The following FAM240B variants were observed in gnomAD, a reference collection of about 807,000 sequenced individuals.
FAM240B encodes protein FAM240B.
intron 1 of FAM240B, among the ~76,000 whole-genome samples, chr9:38,718,099 T>C (rs1350502871): frequency 6.6e-6 from 1 of 152,210 alleles, no homozygotes; most frequent in East Asian, 1.9e-4. Flanking sequence ...ACTAAGAAAA[T>C]ATTTGCTTGT....
chr9:38,703,138 G>A (rs1821149428), intron 2 of FAM240B, among the ~76,000 whole-genome samples: 1 of 152,170 alleles, frequency 6.6e-6, no homozygotes, highest in African/African-American at 2.4e-5. Flanking sequence ...TAGCGCTGAG[G>A]TGGAAAAACC....
intron 2 of FAM240B, among the ~76,000 whole-genome samples, chr9:38,703,443 C>T (rs1324900976): frequency 6.6e-6 from 1 of 152,202 alleles, no homozygotes; most frequent in Non-Finnish European, 1.5e-5. Flanking sequence ...TCCTATAGCC[C>T]AAATCCTGAC....
intron 1 of FAM240B, among the ~76,000 whole-genome samples, chr9:38,712,491 A>C (rs1330837565): frequency 6.6e-6 from 1 of 152,214 alleles, no homozygotes; most frequent in Non-Finnish European, 1.5e-5. Flanking sequence ...ATCTCATTTA[A>C]TCCTCAGCAT....
At chr9:38,707,198 C>T (rs1821200137) in intron 1 of FAM240B, among the ~76,000 whole-genome samples, 2 of 152,102 alleles carry the variant, frequency 1.3e-5, no homozygotes, top group Non-Finnish European at 2.9e-5. Context: ...CTTGGTCAAA[C>T]AGGTACTCAT....
chr9:38,717,309 A>G (rs910641260), intron 1 of FAM240B, among the ~76,000 whole-genome samples: 4 of 152,152 alleles, frequency 2.6e-5, no homozygotes, highest in Admixed American at 6.5e-5. Context: ...GGCCGGGCGC[A>G]GTGGCTCACG....
rs1821155578 is a variant in FAM240B, at chr9:38,703,738, G to A, written c.143+119C>T. On this transcript the variant is annotated intron_variant, in intron 2 of 2. Transcript: ENST00000637493. ...CACAGAATTTATGCTTTCATGTACA[G>A]CATATGTACCTTCCTACAGCAGTGG... 1.0e-5 allele frequency: 4 copies of A among 396,566 alleles called. No homozygotes were observed. The South Asian group carries it at 4.2e-4, about 42-fold the overall frequency. 24.6% of individuals were successfully genotyped at this position (396,566 alleles called of 1,614,324 possible).
chr9:38,715,783 GAGA>G (rs1821297720), intron 1 of FAM240B, among the ~76,000 whole-genome samples: 1 of 152,214 alleles, frequency 6.6e-6, no homozygotes, highest in Non-Finnish European at 1.5e-5. Context: ...TGGATTAATA[GAGA>G]AAACTTCTGA....
At chr9:38,705,829 A>G (rs1233970448) in intron 1 of FAM240B, among the ~76,000 whole-genome samples, 1 of 152,150 alleles carries the variant, frequency 6.6e-6, no homozygotes. Flanking sequence ...AGATTTTAAG[A>G]ATCTGCTTCC....
intron 1 of FAM240B, among the ~76,000 whole-genome samples, chr9:38,715,285 A>C (rs1301899657): frequency 6.6e-6 from 1 of 152,212 alleles, no homozygotes; most frequent in Admixed American, 6.5e-5. Context: ...AGTTACTTGA[A>C]CTAAGTTTCT....
At chr9:38,712,531 C>T (rs1234690583) in intron 1 of FAM240B, among the ~76,000 whole-genome samples, 1 of 152,148 alleles carries the variant, frequency 6.6e-6, no homozygotes, top group East Asian at 1.9e-4. Flanking sequence ...TTCCTGTATT[C>T]GTGAGCGAGA....
Position 38,694,756 on chromosome 9 carries a change from G to A in FAM240B, c.*20C>T. The A allele has an allele frequency of 2.5e-6, 1 of 398,560 alleles. No individual in the cohort carries two copies. Among genetic ancestry groups the A allele is most frequent in the Non-Finnish European group, 4.4e-6 (1 of 226,048 alleles). The allele number at this position is 398,560 out of a possible 1,614,324, so 24.7% of individuals were successfully genotyped here. On this transcript the variant is annotated 3_prime_UTR_variant, in exon 3 of 3. Transcript: ENST00000637493. Reference sequence around the variant, plus strand: ...AAAGTGGTCGCTTGCTATCTTTGAAGTCGGTGAGGCAGGCAGAGCTCAGTC... The same window carrying A: ...AAAGTGGTCGCTTGCTATCTTTGAAATCGGTGAGGCAGGCAGAGCTCAGTC...
chr9:38,701,568 G>A (rs1490579395), intron 2 of FAM240B, among the ~76,000 whole-genome samples: 2 of 152,138 alleles, frequency 1.3e-5, no homozygotes, highest in Non-Finnish European at 2.9e-5. Context: ...GTGGCCTCGA[G>A]GCTGAAGGAG....
chr9:38,710,426 A>G (rs1487955353), intron 1 of FAM240B, among the ~76,000 whole-genome samples: 2 of 152,234 alleles, frequency 1.3e-5, no homozygotes, highest in Non-Finnish European at 2.9e-5. Flanking sequence ...AGAAGGCCAC[A>G]TACTTGAGTT....
At chr9:38,699,527 A>G (rs1465863425) in intron 2 of FAM240B, among the ~76,000 whole-genome samples, 1 of 152,198 alleles carries the variant, frequency 6.6e-6, no homozygotes, top group Admixed American at 6.5e-5. Context: ...CACAGTTCTG[A>G]GGAAGCTTGA....
intron 2 of FAM240B, among the ~76,000 whole-genome samples, chr9:38,702,810 T>C (rs192252897): frequency 6.6e-6 from 1 of 152,194 alleles, no homozygotes; most frequent in Non-Finnish European, 1.5e-5. Flanking sequence ...CATATACACA[T>C]CCGTCAACCT....
intron 2 of FAM240B, among the ~76,000 whole-genome samples, chr9:38,696,839 T>C (rs1821075853): frequency 6.6e-6 from 1 of 152,124 alleles, no homozygotes; most frequent in Non-Finnish European, 1.5e-5. Context: ...TGATGATTTA[T>C]TGAGCTTATA....
intron 1 of FAM240B, among the ~76,000 whole-genome samples, chr9:38,716,118 C>T (rs1464871620): frequency 6.6e-6 from 1 of 152,092 alleles, no homozygotes; most frequent in Non-Finnish European, 1.5e-5. Flanking sequence ...GGGCTTTGAC[C>T]CCATAATCTT....
intron 1 of FAM240B, among the ~76,000 whole-genome samples, chr9:38,713,962 A>G (rs1437048362): frequency 6.6e-6 from 1 of 152,180 alleles, no homozygotes; most frequent in Non-Finnish European, 1.5e-5. Context: ...TCCCCCTCAC[A>G]ACTTCTTATG....
intron 1 of FAM240B, chr9:38,705,180 A>G (rs935500637): frequency 2.0e-5 from 3 of 152,234 alleles, no homozygotes; most frequent in African/African-American, 7.2e-5. Flanking sequence ...CTGGCTGGAG[A>G]CTGGAAAGAG....
Sources: gnomAD v4.1 joint callset for allele counts (sites outside exome capture counted in the v4.1 genomes callset) on GRCh38, gnomAD v4.1.1 for gene constraint, MANE v1.5 for transcripts, NCBI Gene and HGNC (gene_info 2026-07-23, HGNC 2026-07-21) for gene names.